KCNJ3: variants seen among roughly 807,000 people sequenced by gnomAD.
KCNJ3 encodes the protein potassium inwardly rectifying channel subfamily J member 3.
KCNJ3 carries 4 observed loss-of-function variants against 39.2 expected under a neutral mutation model. That is an observed-to-expected ratio of 0.10 (90% CI 0.05 to 0.23). The LOEUF is 0.23. KCNJ3 is among the 10% of genes least tolerant of loss of function. The pLI, the probability that KCNJ3 is intolerant of heterozygous loss-of-function variation, is 1.00. For missense variants in KCNJ3, 276 were observed against 634.9 expected (o/e 0.43, Z 6.08); for synonymous variants, 230 against 237.4 (o/e 0.97, Z 0.29).
intron 2 of KCNJ3, among the ~76,000 whole-genome samples, chr2:154,750,455 T>C (rs1685820512): frequency 6.6e-6 from 1 of 152,002 alleles, no homozygotes; most frequent in South Asian, 2.1e-4. Context: ...AATGCAACGG[T>C]AACTTATTCC....
intron 2 of KCNJ3, among the ~76,000 whole-genome samples, chr2:154,739,771 A>C (rs1685616964): frequency 6.6e-6 from 1 of 152,052 alleles, no homozygotes; most frequent in Non-Finnish European, 1.5e-5. Flanking sequence ...AGTGTGCACA[A>C]AATGTATACA....
intron 2 of KCNJ3, among the ~76,000 whole-genome samples, chr2:154,845,361 C>T (rs139849075): frequency 1.5e-3 from 232 of 152,076 alleles, no homozygotes; most frequent in African/African-American, 5.5e-3. Flanking sequence ...TCAAGTGATC[C>T]GCCTGCTTTG....
chr2:154,839,484 G>C (rs1453276992), intron 2 of KCNJ3, among the ~76,000 whole-genome samples: 1 of 152,124 alleles, frequency 6.6e-6, no homozygotes, highest in Non-Finnish European at 1.5e-5. Flanking sequence ...GGTAATTCTA[G>C]TTCTAGATCC....
chr2:154,807,434 C>G (rs922919185), intron 2 of KCNJ3, among the ~76,000 whole-genome samples: 1 of 152,192 alleles, frequency 6.6e-6, no homozygotes, highest in Non-Finnish European at 1.5e-5. Flanking sequence ...TTGACAATGC[C>G]TCTGATGTGG....
intron 2 of KCNJ3, among the ~76,000 whole-genome samples, chr2:154,825,529 A>G (rs1687255324): frequency 1.3e-5 from 2 of 149,080 alleles, no homozygotes; most frequent in Admixed American, 6.9e-5. Context: ...CAGGACCCCA[A>G]GAACTCATGA....
chr2:154,848,056 T>C (rs1226282597), intron 2 of KCNJ3, among the ~76,000 whole-genome samples: 1 of 152,178 alleles, frequency 6.6e-6, no homozygotes, highest in Non-Finnish European at 1.5e-5. Flanking sequence ...ACACTAGAAA[T>C]GAACAGTGTA....
rs70983747 is a variant in KCNJ3, at chr2:154,857,886, CAAAAAAAAAAAAAAAAAA to C, written c.*2597_*2614del. 66 of 41,962 alleles carry C rather than the reference CAAAAAAAAAAAAAAAAAA, an allele frequency of 1.6e-3. No individual in the cohort carries two copies. Among genetic ancestry groups the C allele is most frequent in the African/African-American group, 5.2e-3 (36 of 6,952 alleles). 2.6% of individuals were successfully genotyped at this position (41,962 alleles called of 1,614,324 possible). Reference sequence around the variant, plus strand: ...ACAGTGCGAGACTCCATCTCAACATCAAAAAAAAAAAAAAAAAAAAAAAAAAAAAAAAAAAAAAAAAGA... The same window carrying C: ...ACAGTGCGAGACTCCATCTCAACATCAAAAAAAAAAAAAAAAAAAAAAAGA... On this transcript the variant is annotated 3_prime_UTR_variant, in exon 3 of 3. Coordinates refer to ENST00000295101, the MANE Select transcript of KCNJ3 (RefSeq NM_002239.4).
chr2:154,825,393 T>C (rs1687252521), intron 2 of KCNJ3, among the ~76,000 whole-genome samples: 1 of 152,162 alleles, frequency 6.6e-6, no homozygotes, highest in Admixed American at 6.5e-5. Flanking sequence ...CCAATTTATC[T>C]TCAGTGCCTA....
intron 2 of KCNJ3, among the ~76,000 whole-genome samples, chr2:154,724,208 A>G (rs1685311553): frequency 6.6e-6 from 1 of 152,134 alleles, no homozygotes; most frequent in African/African-American, 2.4e-5. Flanking sequence ...ACAATTTCCC[A>G]TTAATAAAAT....
At chr2:154,714,348 CT>C (rs1685148350) in intron 2 of KCNJ3, among the ~76,000 whole-genome samples, 1 of 151,106 alleles carries the variant, frequency 6.6e-6, no homozygotes, top group African/African-American at 2.5e-5. Flanking sequence ...TTCTCTCTCT[CT>C]TTTTTCTTTC....
Position 154,712,986 on chromosome 2 carries a change from T to A in KCNJ3, c.919+3167T>A, listed in dbSNP as rs191241974. 6.3e-4 allele frequency among the ~76,000 whole-genome samples: 96 copies of A among 151,738 alleles called. 2 individuals carry two copies. Among genetic ancestry groups the A allele is most frequent in the Non-Finnish European group, 2.1e-4 (14 of 67,932 alleles). On this transcript the variant is annotated intron_variant, in intron 2 of 2. Transcript: ENST00000295101. Reference sequence around the variant, plus strand: ...TGGTGCAAGGGCCCTGAGCTGGGAATGAGCTTGATTTATTCTGGGAACTAA... The same window carrying A: ...TGGTGCAAGGGCCCTGAGCTGGGAAAGAGCTTGATTTATTCTGGGAACTAA...
intron 2 of KCNJ3, among the ~76,000 whole-genome samples, chr2:154,753,831 T>A (rs978920539): frequency 5.9e-5 from 9 of 152,200 alleles, no homozygotes; most frequent in African/African-American, 2.2e-4. Flanking sequence ...GAAATTTGTC[T>A]TATCCTTTTT....
At chr2:154,826,977 A>C (rs370198088) in intron 2 of KCNJ3, among the ~76,000 whole-genome samples, 2 of 152,272 alleles carry the variant, frequency 1.3e-5, no homozygotes. Flanking sequence ...ACCTCTAGGC[A>C]TCTTAGACAG....
intron 2 of KCNJ3, among the ~76,000 whole-genome samples, chr2:154,736,575 T>C (rs1384420758): frequency 6.6e-6 from 1 of 152,002 alleles, no homozygotes; most frequent in South Asian, 2.1e-4. Flanking sequence ...GGTTTTACAA[T>C]GTATATATGC....
chr2:154,737,358 A>G (rs1379265834), intron 2 of KCNJ3, among the ~76,000 whole-genome samples: 1 of 152,224 alleles, frequency 6.6e-6, no homozygotes, highest in African/African-American at 2.4e-5. Context: ...TCAGAACAAA[A>G]CTCAAAAATA....
intron 2 of KCNJ3, among the ~76,000 whole-genome samples, chr2:154,754,267 ATTTCTTTT>A (rs1685899889): frequency 6.6e-6 from 1 of 152,052 alleles, no homozygotes; most frequent in South Asian, 2.1e-4. Flanking sequence ...TTATGTGAAC[ATTTCTTTT>A]TTTCTTTTTT....
Position 154,858,125 on chromosome 2 carries a change from A to G in KCNJ3, c.*2812A>G, listed in dbSNP as rs574127551. ...TTTTCCACACATGCGTGGGAAAGGT[A>G]TGATTTCTGCATGTAATTGCAGTTT... On this transcript the variant is annotated 3_prime_UTR_variant, in exon 3 of 3. Transcript: ENST00000295101. 1 of 152,068 alleles carries G rather than the reference A, an allele frequency of 6.6e-6. No individual in the cohort carries two copies. The highest frequency in any genetic ancestry group is 1.5e-5 in the Non-Finnish European group (1 of 67,976). The allele number at this position is 152,068 out of a possible 1,614,324, so 9.4% of individuals were successfully genotyped here.
chr2:154,700,604 A>G (rs1221532593), intron 1 of KCNJ3, among the ~76,000 whole-genome samples: 1 of 152,276 alleles, frequency 6.6e-6, no homozygotes, highest in Non-Finnish European at 1.5e-5. Context: ...TATTAATAAA[A>G]TGAAAATCTG....
chr2:154,706,750 T>C (rs2105149094), intron 1 of KCNJ3, among the ~76,000 whole-genome samples: 1 of 152,212 alleles, frequency 6.6e-6, no homozygotes, highest in African/African-American at 2.4e-5. Flanking sequence ...TGAAAATGTA[T>C]TTGGTAAGCA....
Sources: allele counts gnomAD v4.1 joint callset (sites outside exome capture counted in the v4.1 genomes callset), GRCh38; gene constraint gnomAD v4.1.1; transcripts MANE v1.5; gene names NCBI Gene and HGNC (gene_info 2026-07-23, HGNC 2026-07-21).